GSG1L: variants seen among roughly 807,000 people sequenced by gnomAD.
GSG1L encodes the protein germ cell-specific gene 1-like protein.
Under a neutral mutation model 42.1 loss-of-function variants are expected in GSG1L, and 24 were observed. The ratio of observed to expected loss-of-function variants is 0.57; its 90% CI spans 0.41 to 0.80. GSG1L has a LOEUF of 0.80. GSG1L is among the 30% of genes least tolerant of loss of function. The pLI is 0.00. For missense variants in GSG1L, 445 were observed against 472.2 expected, an observed-to-expected ratio of 0.94 and a Z score of 0.53; for synonymous variants, 215 against 203.5, an observed-to-expected ratio of 1.06 and a Z score of -0.48.
In GSG1L at chr16:27,791,333, G is replaced by A. The variant is rs200108544; in HGVS notation, c.*37C>T. ...TCTTGCAGCAGGGGCTGGTGCCAGC[G>A]ATGGCCTGAGGTCCGCGGGCCAGGT... On this transcript the variant is annotated 3_prime_UTR_variant, in exon 7 of 7. Transcript: ENST00000447459. The A allele has an allele frequency of 3.0e-5, 39 of 1,280,802 alleles. No individual in the cohort carries two copies. In the African/African-American group the frequency reaches 3.2e-4, roughly 11 times the overall value. 79.3% of individuals were successfully genotyped at this position (1,280,802 alleles called of 1,614,324 possible).
In GSG1L at chr16:27,849,197, CAAAAAGAAAA is replaced by C. The variant is rs1236549135; in HGVS notation, c.551-4146_551-4137del. Among the ~76,000 whole-genome samples the C allele has an allele frequency of 1.8e-3, 202 of 113,622 alleles. 4 individuals are homozygous for C. The highest frequency in any genetic ancestry group is 5.8e-3 in the African/African-American group (177 of 30,758). The allele number at this position is 113,622 out of a possible 152,430, so 74.5% of individuals were successfully genotyped here. On this transcript the variant is annotated intron_variant, in intron 3 of 6. Transcript: ENST00000447459. The stretch of plus-strand genomic sequence containing the variant: ...TGGGTGACAGAGTGAGCCTCTATCC[CAAAAAGAAAA>C]AAAAAAAAAAAAAAAAGAGAAAAGA...
chr16:28,016,060 G>A (rs951589548), intron 1 of GSG1L, among the ~76,000 whole-genome samples: 6 of 152,122 alleles, frequency 3.9e-5, no homozygotes, highest in African/African-American at 9.7e-5. Context: ...GCACAGCCTC[G>A]GCTCACTGCA....
intron 2 of GSG1L, among the ~76,000 whole-genome samples, chr16:27,927,557 A>T (rs1476127635): frequency 6.6e-6 from 1 of 151,384 alleles, no homozygotes; most frequent in Non-Finnish European, 1.5e-5. Flanking sequence ...CCTCCCTCGG[A>T]CCCCTCATGC....
At chr16:27,807,318 G>A (rs1234843168) in intron 6 of GSG1L, among the ~76,000 whole-genome samples, 169 bp downstream of exon 6, 1 of 152,130 alleles carries the variant, frequency 6.6e-6, no homozygotes, top group South Asian at 2.1e-4. Context: ...GCGTGCAGGG[G>A]CTTGCTACCC....
chr16:27,848,959 G>A (rs2083474006), intron 3 of GSG1L, among the ~76,000 whole-genome samples: 1 of 152,094 alleles, frequency 6.6e-6, no homozygotes, highest in Admixed American at 6.5e-5. Flanking sequence ...ACTTTGGGAG[G>A]CCGAGGCAGG....
intron 6 of GSG1L, 98 bp downstream of exon 6, chr16:27,807,389 T>TG: frequency 1.1e-6 from 1 of 917,406 alleles, no homozygotes; most frequent in Non-Finnish European, 1.7e-6. Flanking sequence ...CAGGGTGCAG[T>TG]GGGGGGTGGG....
intron 1 of GSG1L, among the ~76,000 whole-genome samples, chr16:27,986,374 C>A (rs1316893830): frequency 1.3e-5 from 2 of 151,914 alleles, no homozygotes; most frequent in South Asian, 4.2e-4. Context: ...GTGGTGTGCA[C>A]CTGTAATCCC....
At chr16:27,940,569 T>C (rs1389805281) in intron 2 of GSG1L, among the ~76,000 whole-genome samples, 1 of 107,854 alleles carries the variant, frequency 9.3e-6, no homozygotes, top group African/African-American at 3.0e-5. Flanking sequence ...TGGATGAAAT[T>C]GGAAACCATC....
intron 1 of GSG1L, among the ~76,000 whole-genome samples, chr16:28,033,270 A>G (rs530339246): frequency 4.7e-4 from 72 of 152,332 alleles, no homozygotes; most frequent in African/African-American, 1.7e-3. Context: ...CGACCTCACT[A>G]TCTGAAGGAG....
At chr16:28,047,855 C>A (rs1054524568) in intron 1 of GSG1L, among the ~76,000 whole-genome samples, 3 of 151,878 alleles carry the variant, frequency 2.0e-5, no homozygotes, top group African/African-American at 7.3e-5. Flanking sequence ...GGGAAGAATC[C>A]TATTGAAGAG....
At chr16:27,921,542 T>C (rs1380034860) in intron 2 of GSG1L, among the ~76,000 whole-genome samples, 1 of 152,192 alleles carries the variant, frequency 6.6e-6, no homozygotes, top group Non-Finnish European at 1.5e-5. Flanking sequence ...TACATGAATT[T>C]CCCACCATTC....
chr16:28,022,816 C>T (rs2085859445), intron 1 of GSG1L, among the ~76,000 whole-genome samples: 1 of 152,000 alleles, frequency 6.6e-6, no homozygotes, highest in Admixed American at 6.6e-5. Context: ...TACAGGCATG[C>T]GCCACTGTGC....
intron 1 of GSG1L, among the ~76,000 whole-genome samples, chr16:28,017,527 G>A (rs887278431): frequency 6.6e-6 from 1 of 152,212 alleles, no homozygotes; most frequent in Admixed American, 6.5e-5. Context: ...AGAATGTTTA[G>A]AGCAGACGGG....
chr16:27,866,742 A>C (rs1596567862), intron 3 of GSG1L, among the ~76,000 whole-genome samples: 1 of 151,670 alleles, frequency 6.6e-6, no homozygotes, highest in African/African-American at 2.4e-5. Context: ...AGGTTAATTT[A>C]TGTATTTTTA....
At chr16:27,911,936 GT>G (rs1452047057) in intron 2 of GSG1L, among the ~76,000 whole-genome samples, 1 of 152,178 alleles carries the variant, frequency 6.6e-6, no homozygotes, top group Non-Finnish European at 1.5e-5. Context: ...GGAGGCAGGG[GT>G]TTTTGTCTCC....
intron 1 of GSG1L, among the ~76,000 whole-genome samples, chr16:28,003,319 T>C (rs1480340115): frequency 6.6e-6 from 1 of 152,248 alleles, no homozygotes; most frequent in Non-Finnish European, 1.5e-5. Context: ...GGCATCTCGC[T>C]GAACCCAGCA....
chr16:27,823,341 G>A (rs57393984), intron 5 of GSG1L, among the ~76,000 whole-genome samples: 3,270 of 152,138 alleles, frequency 0.021, 125 homozygotes, highest in African/African-American at 0.076. Context: ...GCACACAGAC[G>A]CGCACACACA....
At chr16:28,060,258 A>T (rs1472383885) in intron 1 of GSG1L, among the ~76,000 whole-genome samples, 1 of 152,068 alleles carries the variant, frequency 6.6e-6, no homozygotes, top group African/African-American at 2.4e-5. Context: ...AACCCAGAGG[A>T]AAGGTTGTCA....
At chr16:27,907,553 C>T (rs1328676031) in intron 2 of GSG1L, among the ~76,000 whole-genome samples, 1 of 152,224 alleles carries the variant, frequency 6.6e-6, no homozygotes, top group East Asian at 1.9e-4. Flanking sequence ...CCTCATCTGC[C>T]CTGTGCAGCC....
Sources: allele counts gnomAD v4.1 joint callset (sites outside exome capture counted in the v4.1 genomes callset), GRCh38; gene constraint gnomAD v4.1.1; transcripts MANE v1.5; gene names NCBI Gene and HGNC (gene_info 2026-07-23, HGNC 2026-07-21).